The following GPC6 variants were observed in gnomAD, a reference collection of about 807,000 sequenced individuals.
The protein encoded by GPC6 is glypican-6.
GPC6 carries 14 observed loss-of-function variants against 55.2 expected under a neutral mutation model. The observed-to-expected ratio is 0.25, with a 90% CI of 0.17 to 0.40. The LOEUF is 0.40. Ranked by LOEUF, GPC6 falls within the 10% of genes least tolerant of loss-of-function variation. The pLI, the probability that GPC6 is intolerant of heterozygous loss-of-function variation, is 1.00. For synonymous variants in GPC6, 278 were observed against 259.6 expected (o/e 1.07, Z -0.68); for missense variants, 641 against 708.5 (o/e 0.90, Z 1.08).
chr13:93,227,484 C>A lies in GPC6; in HGVS notation c.28C>A (p.Leu10Ile), dbSNP rs1434310939. The A allele has an allele frequency of 6.2e-7, 1 of 1,613,932 alleles. No homozygotes were observed. The highest frequency in any genetic ancestry group is 1.3e-5 in the African/African-American group (1 of 75,058). The stretch of plus-strand genomic sequence containing the variant: ...GCCTTCTTGGATCGGGGCTGTGATT[C>A]TTCCCCTCTTGGGGCTGCTGCTCTC... MPSWIGAVI[L>I]PLLGLLLSLP... The change falls in exon 1 of 9, where the codon CTT becomes ATT. Residue 10 changes from leucine to isoleucine, a missense_variant. Coordinates refer to ENST00000377047, the MANE Select transcript of GPC6 (RefSeq NM_005708.5). The surrounding 1 kb of genome is among the most constrained non-coding windows in gnomAD (Gnocchi z 4.3).
intron 4 of GPC6, among the ~76,000 whole-genome samples, chr13:94,109,207 A>G (rs1002634711): frequency 3.3e-5 from 5 of 152,216 alleles, no homozygotes; most frequent in African/African-American, 1.2e-4. Context: ...TATGACTGTC[A>G]TGAATGAGTG....
chr13:94,328,865 C>T (rs886372335), intron 6 of GPC6, among the ~76,000 whole-genome samples: 2 of 152,156 alleles, frequency 1.3e-5, no homozygotes, highest in Admixed American at 6.5e-5. Context: ...ACCAAGCCTT[C>T]GTTTGCTCAT....
At chr13:94,218,523 AAGGT>A (rs1890288159) in intron 4 of GPC6, among the ~76,000 whole-genome samples, 2 of 152,268 alleles carry the variant, frequency 1.3e-5, no homozygotes, top group African/African-American at 4.8e-5. Context: ...TCTCTGCTCT[AAGGT>A]GAGCTCGAAT....
chr13:93,346,147 C>A (rs924175313), intron 1 of GPC6, among the ~76,000 whole-genome samples: 2 of 152,014 alleles, frequency 1.3e-5, no homozygotes, highest in Non-Finnish European at 2.9e-5. Flanking sequence ...CAGAGAACTG[C>A]AGTTCATTTT....
intron 3 of GPC6, among the ~76,000 whole-genome samples, chr13:93,945,283 A>G (rs1254146286): frequency 6.6e-6 from 1 of 152,250 alleles, no homozygotes; most frequent in East Asian, 1.9e-4. Context: ...TGATTGTCAT[A>G]GAATGTATTC....
chr13:93,682,518 G>T (rs543885114), intron 2 of GPC6, among the ~76,000 whole-genome samples: 1 of 152,122 alleles, frequency 6.6e-6, no homozygotes, highest in East Asian at 1.9e-4. Flanking sequence ...CAGAAGGAAG[G>T]GTGTAAGCGG....
chr13:93,482,655 A>G (rs535753231), intron 1 of GPC6, among the ~76,000 whole-genome samples: 1 of 152,278 alleles, frequency 6.6e-6, no homozygotes, highest in African/African-American at 2.4e-5. Context: ...AGAAGGCAAA[A>G]CCACAGAAAA....
intron 4 of GPC6, among the ~76,000 whole-genome samples, chr13:94,254,833 G>A (rs554357920): frequency 6.6e-6 from 1 of 152,178 alleles, no homozygotes; most frequent in South Asian, 2.1e-4. Flanking sequence ...GTGATTTTCA[G>A]AGTAACATTT....
At chr13:93,980,970 C>T (rs1002513149) in intron 3 of GPC6, among the ~76,000 whole-genome samples, 1 of 152,100 alleles carries the variant, frequency 6.6e-6, no homozygotes, top group African/African-American at 2.4e-5. Flanking sequence ...GAGAATGTGA[C>T]CAACAACAGT....
At chr13:94,224,867 C>T (rs969190371) in intron 4 of GPC6, among the ~76,000 whole-genome samples, 1 of 152,142 alleles carries the variant, frequency 6.6e-6, no homozygotes, top group African/African-American at 2.4e-5. Context: ...ATGACTGCCA[C>T]CTCTTGGTAG....
At chr13:93,480,987 T>C (rs1291436236) in intron 1 of GPC6, among the ~76,000 whole-genome samples, 1 of 152,176 alleles carries the variant, frequency 6.6e-6, no homozygotes, top group Non-Finnish European at 1.5e-5. Flanking sequence ...GTACGGTAGT[T>C]CCATATTTGA....
chr13:93,838,500 C>G (rs1887825675), intron 3 of GPC6, among the ~76,000 whole-genome samples: 1 of 152,090 alleles, frequency 6.6e-6, no homozygotes, highest in Non-Finnish European at 1.5e-5. Flanking sequence ...TAGATTTGAA[C>G]CATATCATTT....
intron 4 of GPC6, among the ~76,000 whole-genome samples, chr13:94,213,680 G>A (rs1448355900): frequency 1.3e-5 from 2 of 152,284 alleles, no homozygotes; most frequent in South Asian, 2.1e-4. Context: ...TCCACATGAT[G>A]GTGGCAAGGT....
intron 2 of GPC6, among the ~76,000 whole-genome samples, chr13:93,554,283 T>A (rs544314231): frequency 6.6e-6 from 1 of 152,294 alleles, no homozygotes; most frequent in East Asian, 1.9e-4. Flanking sequence ...CAACAGTAAA[T>A]TATACAGAGC....
intron 4 of GPC6, among the ~76,000 whole-genome samples, chr13:94,102,625 C>T (rs930593722): frequency 2.0e-5 from 3 of 151,830 alleles, no homozygotes; most frequent in African/African-American, 7.3e-5. Context: ...AGGAAACAGC[C>T]TTATGATTTT....
chr13:93,491,767 T>C (rs1360879242), intron 1 of GPC6, among the ~76,000 whole-genome samples: 267 of 128,828 alleles, frequency 2.1e-3, no homozygotes, highest in African/African-American at 7.2e-3. Flanking sequence ...GCACCATTTA[T>C]TAAATAGGGA....
At chr13:93,729,553 G>A (rs1024535633) in intron 2 of GPC6, among the ~76,000 whole-genome samples, 11 of 152,134 alleles carry the variant, frequency 7.2e-5, no homozygotes, top group South Asian at 2.1e-4. Flanking sequence ...TTCAAGGTAC[G>A]TGTCATCTTA....
chr13:93,798,388 A>G (rs1886266647), intron 2 of GPC6, among the ~76,000 whole-genome samples: 1 of 152,180 alleles, frequency 6.6e-6, no homozygotes, highest in Non-Finnish European at 1.5e-5. Flanking sequence ...GTTGAATTTT[A>G]AACCCTGTAA....
chr13:93,992,181 A>G (rs987273686), intron 3 of GPC6, among the ~76,000 whole-genome samples: 36 of 151,042 alleles, frequency 2.4e-4, no homozygotes, highest in African/African-American at 8.2e-4. Context: ...ATGTGTGTAT[A>G]TATATATATA....
Sources: gnomAD v4.1 joint callset for allele counts (sites outside exome capture counted in the v4.1 genomes callset) on GRCh38, gnomAD v4.1.1 for gene constraint, Gnocchi (gnomAD v3.1) non-coding constraint, MANE v1.5 for transcripts, NCBI Gene and HGNC (gene_info 2026-07-23, HGNC 2026-07-21) for gene names.